Variants in IRF4 observed in about 807,000 individuals in gnomAD.
IRF4 encodes the protein interferon regulatory factor 4, also known as lymphocyte-specific interferon regulatory factor.
A neutral mutation model predicts 55.5 loss-of-function variants in IRF4; 13 were observed. The ratio of observed to expected loss-of-function variants is 0.23; its 90% CI spans 0.15 to 0.37. IRF4 has a LOEUF of 0.37. Ranked by LOEUF, IRF4 falls within the 10% of genes least tolerant of loss-of-function variation. The probability of loss-of-function intolerance (pLI) is 1.00; values close to 1 mark genes in which losing one functional copy is unlikely to be tolerated. For synonymous variants in IRF4, 249 were observed against 240.7 expected, an observed-to-expected ratio of 1.03 and a Z score of -0.32; for missense variants, 397 against 593.8, an observed-to-expected ratio of 0.67 and a Z score of 3.44.
intron 6 of IRF4, among the ~76,000 whole-genome samples, chr6:400,791 TACACACAC>T (rs5873749): frequency 2.0e-5 from 3 of 150,156 alleles, no homozygotes; most frequent in Admixed American, 6.6e-5. Flanking sequence ...TTTATATATG[TACACACAC>T]ACACACACAC....
chr6:394,994 G>C lies in IRF4; in HGVS notation c.390G>C (p.Glu130Asp). 1 of 1,596,222 alleles carries C rather than the reference G, an allele frequency of 6.3e-7. No homozygotes were observed. Among genetic ancestry groups the C allele is most frequent in the Non-Finnish European group, 8.5e-7 (1 of 1,172,268 alleles). The part of the protein sequence containing the change: ...DPYKVYRIVP[E>D]GAKKGAKQLT... ...ACAAAGTGTACAGGATTGTTCCTGAGGGAGCCAAAAAAGGTAGGGGCTCTC... is the reference window on the plus strand; with the variant it reads ...ACAAAGTGTACAGGATTGTTCCTGACGGAGCCAAAAAAGGTAGGGGCTCTC... Residue 130 changes from glutamate (E) to aspartate (D), a missense_variant, in exon 3 of 9, where the codon GAG becomes GAC. Glu to Asp is a conservative substitution (Grantham distance 45). Transcript: ENST00000380956.
At chr6:404,931 C>A in intron 7 of IRF4, 87 bp from the exon 8 acceptor site, 1 of 808,558 alleles carries the variant, frequency 1.2e-6, no homozygotes, top group Non-Finnish European at 2.1e-6. Context: ...TGTTCAGAAT[C>A]ACAGTAAGCT....
chr6:399,028 C>T, intron 6 of IRF4, 93 bp downstream of exon 6: 1 of 790,480 alleles, frequency 1.3e-6, no homozygotes, highest in Non-Finnish European at 2.0e-6. Flanking sequence ...GGACTTTAGA[C>T]ACTTGCTTTG....
chr6:393,642 A>G lies in IRF4; in HGVS notation c.216+274A>G, dbSNP rs1320928340. Among the ~76,000 whole-genome samples the G allele has an allele frequency of 6.6e-6, 1 of 151,870 alleles. No homozygotes were observed. The highest frequency in any genetic ancestry group is 2.4e-5 in the African/African-American group (1 of 41,374). On this transcript the variant is annotated intron_variant, in intron 2 of 8. Transcript: ENST00000380956. The surrounding 1 kb of genome is among the most constrained non-coding windows in gnomAD (Gnocchi z 5.4). ...GGCCGGGCCCGGGGAAGGGCGGCCA[A>G]AGGCTTGAGGGGTTTTGCGCGTTCG... is the stretch of plus-strand genomic sequence containing the variant.
rs1761678301 is a variant in IRF4, at chr6:410,701, A to G, written c.*3103A>G. ...CGTGTCAGTTACTTTTTTAGTAACA[A>G]TTCAGATCCAGTGTAAACTTCCGTT... On this transcript the variant is annotated 3_prime_UTR_variant, in exon 9 of 9. Transcript: ENST00000380956. 1 of 231,616 alleles carries G rather than the reference A, an allele frequency of 4.3e-6. No homozygotes were observed. The highest frequency in any genetic ancestry group is 8.5e-6 in the Non-Finnish European group (1 of 117,020). 14.3% of individuals were successfully genotyped at this position (231,616 alleles called of 1,614,324 possible). A position where few individuals can be genotyped will look rare whatever the true frequency, so the allele number is the denominator to read the frequency against.
rs576608996 is a variant in IRF4, at chr6:411,338, C to T, written c.*3740C>T. 7 of 217,946 alleles carry T rather than the reference C, an allele frequency of 3.2e-5. No individual in the cohort carries two copies. The East Asian group carries it at 4.0e-4, about 12-fold the overall frequency. 13.5% of individuals were successfully genotyped at this position (217,946 alleles called of 1,614,324 possible). ...ACTGAGGTAGATAATGCTATGCTGTCGTTGGTATACATCATGAATTTTTAT... is the reference window on the plus strand; with the variant it reads ...ACTGAGGTAGATAATGCTATGCTGTTGTTGGTATACATCATGAATTTTTAT... On this transcript the variant is annotated 3_prime_UTR_variant, in exon 9 of 9. Coordinates refer to ENST00000380956, the MANE Select transcript of IRF4 (RefSeq NM_002460.4).
At position 408,697 on chromosome 6, in the gene IRF4, CTGTT is replaced by C. The variant is rs1373601435; in HGVS notation, c.*1106_*1109del. The C allele has an allele frequency of 3.5e-5, 8 of 230,736 alleles. No homozygotes were observed. Among genetic ancestry groups the C allele is most frequent in the Admixed American group, 1.1e-4 (2 of 17,712 alleles). The allele number at this position is 230,736 out of a possible 1,614,324, so 14.3% of individuals were successfully genotyped here. A position where few individuals can be genotyped will look rare whatever the true frequency, so the allele number is the denominator to read the frequency against. On this transcript the variant is annotated 3_prime_UTR_variant, in exon 9 of 9. Coordinates refer to ENST00000380956, the MANE Select transcript of IRF4 (RefSeq NM_002460.4). ...TTCCCTTCCTCTGTGCCACGCTCCT[CTGTT>C]TGTTTGGCTGTCCAGCGATCAGCCA...
In IRF4 at chr6:410,917, C is replaced by T. The variant is rs573151598; in HGVS notation, c.*3319C>T. On this transcript the variant is annotated 3_prime_UTR_variant, in exon 9 of 9. Transcript: ENST00000380956. Reference sequence around the variant, plus strand: ...TTTTGTAAGTTATGTTTTACATGCCCCGTTTTTGAGACTGATCTCGATGCA... The same window carrying T: ...TTTTGTAAGTTATGTTTTACATGCCTCGTTTTTGAGACTGATCTCGATGCA... 58 of 232,602 alleles carry T rather than the reference C, an allele frequency of 2.5e-4. No homozygotes were observed. The highest frequency in any genetic ancestry group is 3.9e-4 in the Non-Finnish European group (46 of 117,618). 14.4% of individuals were successfully genotyped at this position (232,602 alleles called of 1,614,324 possible).
intron 4 of IRF4, 148 bp downstream of exon 4, chr6:396,083 G>A (rs972221700): frequency 3.2e-6 from 2 of 627,124 alleles, no homozygotes; most frequent in Non-Finnish European, 2.8e-6. Context: ...GTCACTGAAC[G>A]AATGTCTCAC....
chr6:401,440 C>T lies in IRF4; in HGVS notation c.762C>T (p.Ile254=). The change falls in exon 7 of 9, where the codon ATC becomes ATT. Residue 254 remains isoleucine, a synonymous_variant. Transcript: ENST00000380956. ...ALAFSDCRLH[I]CLYYREILVK... is the part of the protein sequence containing the mutation. ...TGTTTGCAGACTGCCGGCTGCACAT[C>T]TGCCTGTACTACCGGGAAATCCTCG... 2 of 1,612,900 alleles carry T rather than the reference C, an allele frequency of 1.2e-6. No individual in the cohort carries two copies. Among genetic ancestry groups the T allele is most frequent in the Non-Finnish European group, 8.5e-7 (1 of 1,179,722 alleles).
intron 6 of IRF4, among the ~76,000 whole-genome samples, chr6:399,709 A>G (rs959309317): frequency 6.6e-6 from 1 of 152,244 alleles, no homozygotes; most frequent in Non-Finnish European, 1.5e-5. Context: ...TTTAAAAATC[A>G]GTGATGAAAA....
intron 7 of IRF4, 137 bp downstream of exon 7, chr6:401,914 T>C (rs919299922): frequency 7.2e-6 from 5 of 690,660 alleles, no homozygotes; most frequent in Non-Finnish European, 1.2e-5. Context: ...GCTTGGGGCT[T>C]GACTCCAGTA....
intron 5 of IRF4, 80 bp from the exon 6 acceptor site, chr6:398,748 T>A: frequency 8.2e-6 from 8 of 980,124 alleles, no homozygotes; most frequent in Non-Finnish European, 1.2e-5. Context: ...TTCCCAGGCT[T>A]CACACACACA....
intron 3 of IRF4, 88 bp from the exon 4 acceptor site, chr6:395,759 T>C (rs1432928984): frequency 3.2e-6 from 3 of 930,560 alleles, no homozygotes; most frequent in Non-Finnish European, 5.1e-6. Flanking sequence ...AAGAATTAAA[T>C]GCTCAGGTAT....
Position 409,391 on chromosome 6 carries a change from A to T in IRF4, c.*1793A>T, listed in dbSNP as rs1162321462. 1 of 201,150 alleles carries T rather than the reference A, an allele frequency of 5.0e-6. No homozygotes were observed. The highest frequency in any genetic ancestry group is 7.5e-5 in the East Asian group (1 of 13,300). 12.5% of individuals were successfully genotyped at this position (201,150 alleles called of 1,614,324 possible). ...TCTCCTCTCTAAAAGTGTCCACAAG[A>T]AGGGGTGTTTATTCTTCCAACACAT... On this transcript the variant is annotated 3_prime_UTR_variant, in exon 9 of 9. Transcript: ENST00000380956.
At position 407,701 on chromosome 6, in the gene IRF4, C is replaced by G; in HGVS notation, c.*103C>G. 1 of 1,073,416 alleles carries G rather than the reference C, an allele frequency of 9.3e-7. No individual in the cohort carries two copies. The highest frequency in any genetic ancestry group is 1.3e-6 in the Non-Finnish European group (1 of 753,500). The allele number at this position is 1,073,416 out of a possible 1,614,324, so 66.5% of individuals were successfully genotyped here. The stretch of plus-strand genomic sequence containing the variant: ...TCTCCCAGGCTGGAGTGCAGTGACA[C>G]AATCTCAGCTCACTGTGACCTCCGC... On this transcript the variant is annotated 3_prime_UTR_variant, in exon 9 of 9. Coordinates refer to ENST00000380956, the MANE Select transcript of IRF4 (RefSeq NM_002460.4).
At chr6:407,360 T>G in intron 8 of IRF4, 95 bp from the exon 9 acceptor site, 1 of 1,202,922 alleles carries the variant, frequency 8.3e-7, no homozygotes, top group Admixed American at 2.4e-5. Flanking sequence ...AACTTTGGGC[T>G]TTACGTTACT....
Position 393,441 on chromosome 6 carries a change from G to A in IRF4, c.216+73G>A. On this transcript the variant is annotated intron_variant, in intron 2 of 8. Coordinates refer to ENST00000380956, the MANE Select transcript of IRF4 (RefSeq NM_002460.4). This position sits in a 1 kb window ranked among gnomAD's most constrained non-coding sequence, Gnocchi z 5.4. ...GACAGAGCCCGGGGTCCCCGGCGCC[G>A]CCTCCGAGGCGAGCCCAGGGGACCG... 3.5e-6 allele frequency: 4 copies of A among 1,139,958 alleles called. No homozygotes were observed. The highest frequency in any genetic ancestry group is 1.2e-6 in the Non-Finnish European group (1 of 855,194). The allele number at this position is 1,139,958 out of a possible 1,614,324, so 70.6% of individuals were successfully genotyped here. A position where few individuals can be genotyped will look rare whatever the true frequency, so the allele number is the denominator to read the frequency against.
At chr6:403,641 G>C (rs1761466039) in intron 7 of IRF4, among the ~76,000 whole-genome samples, 1 of 152,216 alleles carries the variant, frequency 6.6e-6, no homozygotes, top group Non-Finnish European at 1.5e-5. Flanking sequence ...AGCAAGAGCT[G>C]GTCTTGGCTT....
Sources: gnomAD v4.1 joint callset for allele counts (sites outside exome capture counted in the v4.1 genomes callset) on GRCh38, gnomAD v4.1.1 for gene constraint, Gnocchi (gnomAD v3.1) non-coding constraint, MANE v1.5 for transcripts, NCBI Gene and HGNC (gene_info 2026-07-23, HGNC 2026-07-21) for gene names.